Variants in CAMK2B observed in about 807,000 individuals in gnomAD.
CAMK2B encodes calcium/calmodulin-dependent protein kinase type II subunit beta.
A neutral mutation model predicts 93.7 loss-of-function variants in CAMK2B; 27 were observed. That is an observed-to-expected ratio of 0.29 (90% CI 0.21 to 0.40). The LOEUF (loss-of-function observed/expected upper bound fraction) is 0.40. Ranked by LOEUF, CAMK2B falls within the 10% of genes least tolerant of loss-of-function variation. The pLI is 1.00. For missense variants in CAMK2B, 568 were observed against 895.8 expected (o/e 0.63, Z 4.67); for synonymous variants, 374 against 358.8 (o/e 1.04, Z -0.48).
intron 1 of CAMK2B, among the ~76,000 whole-genome samples, chr7:44,291,217 TGGGGAGAGTGTTGGGGTTCCGCCAAGG>T (rs1224369258): frequency 6.6e-6 from 1 of 151,974 alleles, no homozygotes; most frequent in Non-Finnish European, 1.5e-5. Flanking sequence ...TTCCGCCAAG[TGGGGAGAGTGTTGGGGTTCCGCCAAGG>T]GGGGAGAGTG....
chr7:44,234,542 G>A (rs2096607843), intron 14 of CAMK2B, 81 bp from the exon 15 acceptor site: 1 of 1,586,006 alleles, frequency 6.3e-7, no homozygotes. Context: ...CTCAGGGCAT[G>A]GGGGGAGGGG....
At chr7:44,310,998 T>C (rs1056586812) in intron 1 of CAMK2B, among the ~76,000 whole-genome samples, 2 of 152,238 alleles carry the variant, frequency 1.3e-5, no homozygotes, top group East Asian at 3.8e-4. Context: ...GTAGCCGTTA[T>C]CTCTGAGGAA....
At chr7:44,278,100 T>C in intron 2 of CAMK2B, among the ~76,000 whole-genome samples, 1 of 152,172 alleles carries the variant, frequency 6.6e-6, no homozygotes, top group Admixed American at 6.5e-5. Context: ...CAGGGGCGCC[T>C]GCCATGGGGC....
intron 6 of CAMK2B, chr7:44,244,750 C>T (rs1184194075): frequency 1.9e-5 from 6 of 322,570 alleles, no homozygotes; most frequent in Admixed American, 1.3e-4. Flanking sequence ...GCCACAGCCC[C>T]GAGCTGTGAG....
chr7:44,300,020 C>CTGTGTGTGTGTGTG (rs143590426), intron 1 of CAMK2B, among the ~76,000 whole-genome samples: 6 of 141,630 alleles, frequency 4.2e-5, no homozygotes, highest in African/African-American at 1.1e-4. Flanking sequence ...GTGTATGTGT[C>CTGTGTGTGTGTGTG]TGTGTGTGTG....
chr7:44,301,363 C>T (rs1789969977), intron 1 of CAMK2B, among the ~76,000 whole-genome samples: 2 of 152,172 alleles, frequency 1.3e-5, no homozygotes, highest in African/African-American at 4.8e-5. Flanking sequence ...TCTTGAACTC[C>T]TGTCCTCAAG....
intron 16 of CAMK2B, among the ~76,000 whole-genome samples, chr7:44,231,801 C>T (rs2096581915): frequency 6.6e-6 from 1 of 152,242 alleles, no homozygotes; most frequent in Non-Finnish European, 1.5e-5. Context: ...TGCTGCCCTT[C>T]AAAAGACCAT....
At chr7:44,314,315 G>T (rs1436355753) in intron 1 of CAMK2B, among the ~76,000 whole-genome samples, 1 of 152,132 alleles carries the variant, frequency 6.6e-6, no homozygotes, top group Non-Finnish European at 1.5e-5. Flanking sequence ...TCTCGCTCCA[G>T]TTTTTGTCCT....
chr7:44,263,125 G>A (rs530496959), intron 2 of CAMK2B, 61 bp from the exon 3 acceptor site: 118 of 1,530,468 alleles, frequency 7.7e-5, no homozygotes, highest in African/African-American at 4.1e-4. Context: ...CCCAGGGATC[G>A]TCCATGTCAG....
chr7:44,269,326 A>G (rs1300954130), intron 2 of CAMK2B, among the ~76,000 whole-genome samples: 2 of 152,202 alleles, frequency 1.3e-5, no homozygotes, highest in Non-Finnish European at 2.9e-5. Context: ...CCATGGTGCG[A>G]CCAGTGCCCC....
chr7:44,300,561 G>C (rs1436542104), intron 1 of CAMK2B, among the ~76,000 whole-genome samples: 1 of 151,858 alleles, frequency 6.6e-6, no homozygotes, highest in East Asian at 1.9e-4. Context: ...ATAATAAAAG[G>C]GTCAGTTTTC....
intron 16 of CAMK2B, among the ~76,000 whole-genome samples, chr7:44,231,701 G>A (rs1013459437): frequency 2.6e-5 from 4 of 152,184 alleles, no homozygotes; most frequent in African/African-American, 9.7e-5. Flanking sequence ...GCCCCTCTGG[G>A]ACTGGACGTC....
intron 2 of CAMK2B, among the ~76,000 whole-genome samples, chr7:44,278,571 G>A (rs147839257): frequency 0.021 from 3,242 of 152,282 alleles, 55 homozygotes; most frequent in Middle Eastern, 0.065. Context: ...CATGGGGGAG[G>A]CAGCCCAGGG....
intron 13 of CAMK2B, among the ~76,000 whole-genome samples, chr7:44,235,712 G>A (rs940735231): frequency 6.6e-6 from 1 of 152,184 alleles, no homozygotes; most frequent in Non-Finnish European, 1.5e-5. Flanking sequence ...AGCCGGTACA[G>A]CAGGGTTAGA....
At chr7:44,260,309 C>T (rs773262638) in intron 3 of CAMK2B, among the ~76,000 whole-genome samples, 12 of 152,156 alleles carry the variant, frequency 7.9e-5, no homozygotes, top group Non-Finnish European at 1.5e-4. Context: ...TGATAGCGTC[C>T]TTACATCCAG....
chr7:44,254,403 G>A lies in CAMK2B; in HGVS notation c.341+139C>T, dbSNP rs1056413282. ...GGTTACAAGTTTCCTTTGGCTTCAT[G>A]CCCATCGCTCTGGGGTGTGGGTGAG... On this transcript the variant is annotated intron_variant, in intron 5 of 23. Coordinates refer to ENST00000395749, the MANE Select transcript of CAMK2B (RefSeq NM_001220.5). 11 of 662,586 alleles carry A rather than the reference G, an allele frequency of 1.7e-5. No individual in the cohort carries two copies. The African/African-American group carries it at 2.0e-4, about 12-fold the overall frequency. The allele number at this position is 662,586 out of a possible 1,614,324, so 41.0% of individuals were successfully genotyped here. A position where few individuals can be genotyped will look rare whatever the true frequency, so the allele number is the denominator to read the frequency against.
intron 12 of CAMK2B, among the ~76,000 whole-genome samples, 159 bp downstream of exon 12, chr7:44,240,548 C>T (rs147460100): frequency 2.6e-5 from 4 of 152,306 alleles, no homozygotes; most frequent in South Asian, 2.1e-4. Context: ...GGGAGCCCAG[C>T]GGGGCCAGGT....
At chr7:44,323,276 T>TC (rs1796606153) in intron 1 of CAMK2B, among the ~76,000 whole-genome samples, 1 of 152,114 alleles carries the variant, frequency 6.6e-6, no homozygotes, top group African/African-American at 2.4e-5. Flanking sequence ...GTCATGGGGC[T>TC]CCCCTCGATG....
At chr7:44,291,850 A>G (rs142299799) in intron 1 of CAMK2B, among the ~76,000 whole-genome samples, 3 of 152,300 alleles carry the variant, frequency 2.0e-5, no homozygotes, top group African/African-American at 7.2e-5. Context: ...CATTCTTCCA[A>G]ACTTGGAATC....
Sources: allele counts gnomAD v4.1 joint callset (sites outside exome capture counted in the v4.1 genomes callset), GRCh38; gene constraint gnomAD v4.1.1; transcripts MANE v1.5; gene names NCBI Gene and HGNC (gene_info 2026-07-23, HGNC 2026-07-21).